DDRGK1: variants seen among roughly 807,000 people sequenced by gnomAD.
DDRGK1 encodes DDRGK domain containing 1, also known as DDRGK domain-containing protein 1.
DDRGK1 carries 38 observed loss-of-function variants against 45.8 expected under a neutral mutation model. That is an observed-to-expected ratio of 0.83 (90% CI 0.64 to 1.09). The LOEUF (loss-of-function observed/expected upper bound fraction) is 1.09, where lower values mean the gene tolerates loss of function less well. DDRGK1 is among the 50% of genes least tolerant of loss of function. DDRGK1 has a pLI of 0.00. For synonymous variants in DDRGK1, 171 were observed against 168.7 expected, an observed-to-expected ratio of 1.01 and a Z score of -0.11; for missense variants, 403 against 419.9, an observed-to-expected ratio of 0.96 and a Z score of 0.35.
chr20:3,191,063 G>A (rs1395879663), intron 8 of DDRGK1, 127 bp downstream of exon 8: 2 of 1,289,338 alleles, frequency 1.6e-6, no homozygotes, highest in Non-Finnish European at 1.1e-6. Flanking sequence ...GCTACTCAGT[G>A]CCCCTCCTTG....
chr20:3,200,372 C>T lies in DDRGK1; in HGVS notation c.378G>A (p.Glu126=). 6.3e-7 allele frequency: 1 copy of T among 1,575,372 alleles called. No homozygotes were observed. The highest frequency in any genetic ancestry group is 8.6e-7 in the Non-Finnish European group (1 of 1,159,978). The change falls in exon 3 of 9, where the codon GAG becomes GAA. Residue 126 remains glutamate (E), a synonymous_variant. Coordinates refer to ENST00000354488, the MANE Select transcript of DDRGK1 (RefSeq NM_023935.3). ...GCTGGGCCTTTCGCGCTTGTTTCTC[C>T]TCCAGCTTCCGCAGTTTCTTAGCTC... is the stretch of plus-strand genomic sequence containing the variant. The part of the protein sequence containing the change: ...KIGAKKLRKL[E]EKQARKAQRE...
At position 3,200,051 on chromosome 20, in the gene DDRGK1, CTTCGCGCTGGGACTCGAGTCG is replaced by C; in HGVS notation, c.439_459del (p.Arg147_Glu153del). The C allele has an allele frequency of 6.2e-7, 1 of 1,613,984 alleles. No homozygotes were observed. Among genetic ancestry groups the C allele is most frequent in the Non-Finnish European group, 8.5e-7 (1 of 1,180,006 alleles). Reference sequence around the variant, plus strand: ...CGCTCCTCCTCCTTCTTCCACTCAGCTTCGCGCTGGGACTCGAGTCGTTTCCGCTCCTCACGTTCAGCCTCC... The same window carrying C: ...CGCTCCTCCTCCTTCTTCCACTCAGCTTTCCGCTCCTCACGTTCAGCCTCC... On this transcript the variant is annotated inframe_deletion, in exon 4 of 9. Transcript: ENST00000354488.
intron 2 of DDRGK1, among the ~76,000 whole-genome samples, chr20:3,201,503 A>G (rs1216512834): frequency 2.0e-5 from 3 of 151,528 alleles, no homozygotes; most frequent in South Asian, 2.1e-4. Context: ...AAAGATGAGA[A>G]CTTTAGATAT....
In DDRGK1 at chr20:3,200,617, G is replaced by A. The variant is rs893235476; in HGVS notation, c.296-163C>T. Among the ~76,000 whole-genome samples, 7 of 151,758 alleles carry A rather than the reference G, an allele frequency of 4.6e-5. No individual in the cohort carries two copies. In the East Asian group the frequency reaches 7.7e-4, roughly 17 times the overall value. Reference sequence around the variant, plus strand: ...CTCCAGAGGCATCTGCCATGAGTGCGTGTGTGTGTGTGCATGAATATGTAG... The same window carrying A: ...CTCCAGAGGCATCTGCCATGAGTGCATGTGTGTGTGTGCATGAATATGTAG... On this transcript the variant is annotated intron_variant, in intron 2 of 8. Transcript: ENST00000354488.
Position 3,195,357 on chromosome 20 carries a change from T to C in DDRGK1, c.511-4A>G, listed in dbSNP as rs774684687. ...GGGCCTTCCTCTCCTCCTCCTCCTG[T>C]GGACATAGGAGGCAAAAGTCAGGTA... On this transcript the variant is annotated splice_polypyrimidine_tract_variant and splice_region_variant and intron_variant, in intron 4 of 8. Transcript: ENST00000354488. The C allele has an allele frequency of 1.3e-6, 2 of 1,589,492 alleles. No homozygotes were observed. Among genetic ancestry groups the C allele is most frequent in the Non-Finnish European group, 1.7e-6 (2 of 1,169,132 alleles).
intron 1 of DDRGK1, 152 bp downstream of exon 1, chr20:3,204,385 A>C (rs2067056042): frequency 5.4e-6 from 4 of 738,138 alleles, no homozygotes; most frequent in South Asian, 3.7e-5. Flanking sequence ...GGCACTGCGG[A>C]AGCCCCACCC....
intron 4 of DDRGK1, among the ~76,000 whole-genome samples, chr20:3,198,039 C>T (rs910638147): frequency 1.2e-4 from 18 of 148,416 alleles, no homozygotes; most frequent in Non-Finnish European, 2.4e-4. Context: ...TTGCTTGAGC[C>T]CAAGAGTTTG....
At position 3,200,105 on chromosome 20, in the gene DDRGK1, GGA is replaced by G. The variant is rs749183933; in HGVS notation, c.409-5_409-4del. 1.5e-5 allele frequency: 24 copies of G among 1,612,706 alleles called. 1 individual carries two copies. The South Asian group carries it at 2.1e-4, about 14-fold the overall frequency. ...TCCTCACGTTCAGCCTCCTCTGCCT[GGA>G]GAGAGGTCTTCATAGGGGCACATCC... On this transcript the variant is annotated splice_region_variant and splice_polypyrimidine_tract_variant and intron_variant, in intron 3 of 8. Transcript: ENST00000354488.
chr20:3,191,292 A>C, intron 7 of DDRGK1, 54 bp from the exon 8 acceptor site: 7 of 1,591,424 alleles, frequency 4.4e-6, no homozygotes, highest in Non-Finnish European at 6.0e-6. Context: ...CCCCAGAAAA[A>C]GCACTGAAAC....
chr20:3,204,454 G>C (rs1690772857), intron 1 of DDRGK1, 83 bp downstream of exon 1: 6 of 1,412,060 alleles, frequency 4.2e-6, no homozygotes, highest in South Asian at 3.8e-5. Context: ...CGCACGCGCA[G>C]GAGCCGCGGC....
chr20:3,204,289 TC>T (rs2067055506), intron 1 of DDRGK1, among the ~76,000 whole-genome samples: 1 of 152,100 alleles, frequency 6.6e-6, no homozygotes. Flanking sequence ...GGTATGGAGT[TC>T]CCGGGGGTGA....
intron 7 of DDRGK1, chr20:3,191,467 G>A (rs1368901791): frequency 1.5e-6 from 1 of 660,340 alleles, no homozygotes; most frequent in African/African-American, 1.8e-5. Flanking sequence ...GGGCAGTGAT[G>A]TTTGCAACAC....
intron 4 of DDRGK1, among the ~76,000 whole-genome samples, chr20:3,196,841 C>A (rs956773928): frequency 5.6e-5 from 8 of 143,806 alleles, no homozygotes; most frequent in African/African-American, 2.1e-4. Context: ...ATGGTCAAAG[C>A]TGGAACAATC....
intron 2 of DDRGK1, 88 bp from the exon 3 acceptor site, chr20:3,200,542 AG>A (rs1470130288): frequency 8.2e-7 from 1 of 1,213,100 alleles, no homozygotes; most frequent in Non-Finnish European, 1.2e-6. Context: ...CTCCCCTAAC[AG>A]GGGGATCCCC....
rs1037146418 is a variant in DDRGK1 at position 3,190,601 on chromosome 20, G to A, written c.*52C>T. On this transcript the variant is annotated 3_prime_UTR_variant, in exon 9 of 9. Transcript: ENST00000354488. ...CAGGATGGTGGGGAGGGATGAAGAT[G>A]TATAGCCAGGTAGGCCACACCAACT... 4.7e-5 allele frequency: 76 copies of A among 1,600,016 alleles called. No individual in the cohort carries two copies. Among genetic ancestry groups the A allele is most frequent in the Admixed American group, 5.1e-5 (3 of 59,368 alleles).
At chr20:3,191,986 C>CACAT (rs1304585059) in intron 6 of DDRGK1, among the ~76,000 whole-genome samples, 165 bp from the exon 7 acceptor site, 3 of 150,844 alleles carry the variant, frequency 2.0e-5, no homozygotes, top group African/African-American at 7.3e-5. Flanking sequence ...CACACACACA[C>CACAT]ACACACACAC....
intron 4 of DDRGK1, among the ~76,000 whole-genome samples, chr20:3,199,797 C>G (rs1219857008): frequency 6.6e-6 from 1 of 152,180 alleles, no homozygotes; most frequent in Non-Finnish European, 1.5e-5. Flanking sequence ...TAGTCACGTG[C>G]ACAAAAATCC....
At chr20:3,204,511 A>G (rs1447562710) in intron 1 of DDRGK1, 26 bp downstream of exon 1, 18 of 1,543,690 alleles carry the variant, frequency 1.2e-5, no homozygotes, top group Non-Finnish European at 1.6e-5. Context: ...CGGTACCACC[A>G]ACCCTGGTGC....
intron 4 of DDRGK1, among the ~76,000 whole-genome samples, chr20:3,199,711 TCTC>T (rs1416951199): frequency 6.6e-6 from 1 of 152,078 alleles, no homozygotes; most frequent in Non-Finnish European, 1.5e-5. Context: ...TCTGCCATCT[TCTC>T]CTCCTCTCCT....
Sources: gnomAD v4.1 joint callset for allele counts (sites outside exome capture counted in the v4.1 genomes callset) on GRCh38, gnomAD v4.1.1 for gene constraint, MANE v1.5 for transcripts, NCBI Gene and HGNC (gene_info 2026-07-23, HGNC 2026-07-21) for gene names.